PPP1R1C: variants seen among roughly 807,000 people sequenced by gnomAD.
PPP1R1C encodes protein phosphatase 1 regulatory subunit 1C.
A neutral mutation model predicts 17.4 loss-of-function variants in PPP1R1C; 15 were observed. The observed-to-expected ratio is 0.86, with a 90% confidence interval of 0.58 to 1.33. The LOEUF (loss-of-function observed/expected upper bound fraction) is 1.33, where lower values mean the gene tolerates loss of function less well. Among genes scored for constraint, PPP1R1C ranks in the 40% most tolerant of loss-of-function variants. PPP1R1C has a pLI of 0.00. For missense variants in PPP1R1C, 143 were observed against 130.0 expected (o/e 1.10, Z -0.48); for synonymous variants, 35 against 43.1 (o/e 0.81, Z 0.73).
At chr2:181,989,410 G>T (rs1003056514) in intron 2 of PPP1R1C, among the ~76,000 whole-genome samples, 1 of 152,204 alleles carries the variant, frequency 6.6e-6, no homozygotes, top group Non-Finnish European at 1.5e-5. Flanking sequence ...CACTAGAAGT[G>T]ACGGATTCCA....
At chr2:182,028,998 G>T (rs975445386) in intron 2 of PPP1R1C, among the ~76,000 whole-genome samples, 2 of 138,572 alleles carry the variant, frequency 1.4e-5, no homozygotes, top group African/African-American at 5.4e-5. Context: ...ATCTTTGTTG[G>T]TTTAAAGTCT....
intron 4 of PPP1R1C, among the ~76,000 whole-genome samples, chr2:182,072,545 T>G (rs1297026983): frequency 6.6e-6 from 1 of 152,180 alleles, no homozygotes; most frequent in East Asian, 1.9e-4. Context: ...CCATGTTAAG[T>G]GTCCTTCCCC....
At chr2:182,096,196 AT>A (rs990350781) in intron 4 of PPP1R1C, among the ~76,000 whole-genome samples, 1 of 152,230 alleles carries the variant, frequency 6.6e-6, no homozygotes, top group Non-Finnish European at 1.5e-5. Context: ...AAAAAGGGCT[AT>A]AATTTAATGG....
intron 4 of PPP1R1C, among the ~76,000 whole-genome samples, chr2:182,090,626 G>C (rs1462750297): frequency 6.6e-6 from 1 of 152,004 alleles, no homozygotes; most frequent in Non-Finnish European, 1.5e-5. Context: ...TGTTAGTTTA[G>C]GATAAATAAA....
chr2:181,986,637 A>G (rs1685305826), intron 1 of PPP1R1C, among the ~76,000 whole-genome samples: 1 of 152,186 alleles, frequency 6.6e-6, no homozygotes, highest in Non-Finnish European at 1.5e-5. Context: ...TTATTTTCAT[A>G]TGTTTTATTA....
chr2:182,077,000 C>T (rs1688332967), intron 4 of PPP1R1C, among the ~76,000 whole-genome samples: 1 of 152,088 alleles, frequency 6.6e-6, no homozygotes, highest in Non-Finnish European at 1.5e-5. Context: ...TAGGCAGTGT[C>T]ATTTGATTAT....
intron 1 of PPP1R1C, among the ~76,000 whole-genome samples, chr2:181,973,607 G>T (rs1282875498): frequency 3.3e-5 from 5 of 152,184 alleles, no homozygotes. Flanking sequence ...CAAGACGAAT[G>T]TTTCAGTGTC....
At chr2:182,084,656 G>T (rs879732368) in intron 4 of PPP1R1C, among the ~76,000 whole-genome samples, 1 of 152,112 alleles carries the variant, frequency 6.6e-6, no homozygotes, top group Non-Finnish European at 1.5e-5. Flanking sequence ...TGCTGTTTTG[G>T]TTACTATAGC....
chr2:182,017,191 C>T (rs1045242017), intron 2 of PPP1R1C, among the ~76,000 whole-genome samples: 1 of 151,906 alleles, frequency 6.6e-6, no homozygotes, highest in African/African-American at 2.4e-5. Flanking sequence ...ATACATTTAG[C>T]AATAAGTTAA....
At chr2:182,004,485 C>G (rs1041307431) in intron 2 of PPP1R1C, among the ~76,000 whole-genome samples, 1 of 152,070 alleles carries the variant, frequency 6.6e-6, no homozygotes, top group Non-Finnish European at 1.5e-5. Flanking sequence ...GAAGAGTATG[C>G]TGAAATCTTA....
At chr2:182,131,204 T>C (rs1187360268), downstream of PPP1R1C, 1 of 75,136 alleles carries the variant, frequency 1.3e-5, no homozygotes, top group Non-Finnish European at 2.3e-5. Context: ...TTGAGCAGTG[T>C]GTGTGTGTGT....
intron 2 of PPP1R1C, among the ~76,000 whole-genome samples, chr2:182,058,911 T>C (rs1040697029): frequency 1.3e-5 from 2 of 152,268 alleles, no homozygotes; most frequent in African/African-American, 4.8e-5. Context: ...TCCTTTGCTC[T>C]TACACTTCAT....
intron 4 of PPP1R1C, among the ~76,000 whole-genome samples, chr2:182,081,864 A>G (rs1688489170): frequency 6.6e-6 from 1 of 152,194 alleles, no homozygotes; most frequent in South Asian, 2.1e-4. Context: ...CCTGCATATT[A>G]CCAATTCCGT....
At chr2:182,126,963 A>G (rs1333360683) in intron 5 of PPP1R1C, among the ~76,000 whole-genome samples, 1 of 152,110 alleles carries the variant, frequency 6.6e-6, no homozygotes, top group Non-Finnish European at 1.5e-5. Flanking sequence ...CGCTATAAAC[A>G]TGACTTAACA....
intron 2 of PPP1R1C, among the ~76,000 whole-genome samples, chr2:182,014,385 C>T (rs1436144960): frequency 6.6e-6 from 1 of 152,100 alleles, no homozygotes; most frequent in Non-Finnish European, 1.5e-5. Context: ...CATTACTTTC[C>T]CCCAAACAAA....
In PPP1R1C at chr2:181,955,680, A is replaced by G. The variant is rs146237126; in HGVS notation, n.111+1046A>G. Among the ~76,000 whole-genome samples the G allele has an allele frequency of 4.8e-3, 731 of 152,298 alleles. 4 individuals are homozygous for G. The highest frequency in any genetic ancestry group is 0.017 in the African/African-American group (691 of 41,566). ...GTCCATTCTAAAGTAACATTTGTCT[A>G]CTAAGCCCTTTTTTGGGGGAAATTT... On this transcript the variant is annotated intron_variant and non_coding_transcript_variant, in intron 1 of 5. Transcript: ENST00000464264.
intron 4 of PPP1R1C, among the ~76,000 whole-genome samples, chr2:182,094,907 G>A (rs892952082): frequency 6.6e-6 from 1 of 152,114 alleles, no homozygotes; most frequent in Non-Finnish European, 1.5e-5. Flanking sequence ...ACTTACTATG[G>A]GTTTATCACA....
intron 2 of PPP1R1C, among the ~76,000 whole-genome samples, chr2:182,060,321 T>C (rs1328221146): frequency 3.3e-5 from 5 of 152,142 alleles, no homozygotes; most frequent in Non-Finnish European, 5.9e-5. Context: ...CAGGCATGGT[T>C]GGATTTATAG....
intron 2 of PPP1R1C, among the ~76,000 whole-genome samples, chr2:182,026,828 C>A (rs1468651912): frequency 4.6e-5 from 7 of 150,672 alleles, no homozygotes; most frequent in African/African-American, 1.7e-4. Context: ...GATATTGATT[C>A]TTCCTACCCA....
Sources: gnomAD v4.1 joint callset for allele counts (sites outside exome capture counted in the v4.1 genomes callset) on GRCh38, gnomAD v4.1.1 for gene constraint, MANE v1.5 for transcripts, NCBI Gene and HGNC (gene_info 2026-07-23, HGNC 2026-07-21) for gene names.